ENTPD3: variants seen among roughly 807,000 people sequenced by gnomAD.
The protein encoded by ENTPD3 is ectonucleoside triphosphate diphosphohydrolase 3.
A neutral mutation model predicts 51.2 loss-of-function variants in ENTPD3; 60 were observed. The observed-to-expected ratio is 1.17, with a 90% CI of 0.95 to 1.45. The LOEUF is 1.45. ENTPD3 is among the 40% of genes most tolerant of loss of function. The pLI, the probability that ENTPD3 is intolerant of heterozygous loss-of-function variation, is 0.00. For synonymous variants in ENTPD3, 221 were observed against 238.4 expected (o/e 0.93, Z 0.67); for missense variants, 593 against 641.1 (o/e 0.93, Z 0.81).
intron 4 of ENTPD3, among the ~76,000 whole-genome samples, chr3:40,406,186 C>T (rs563270527): frequency 3.3e-5 from 5 of 152,068 alleles, no homozygotes; most frequent in East Asian, 1.9e-4. Context: ...TAGGCAGAGA[C>T]AAAAGTGATA....
At chr3:40,420,355 C>T (rs1955839923) in intron 7 of ENTPD3, among the ~76,000 whole-genome samples, 1 of 151,624 alleles carries the variant, frequency 6.6e-6, no homozygotes, top group Non-Finnish European at 1.5e-5. Context: ...CCTACCTCAG[C>T]CTCCCGAGTA....
At chr3:40,424,459 T>A (rs1043603881) in intron 10 of ENTPD3, among the ~76,000 whole-genome samples, 2 of 152,236 alleles carry the variant, frequency 1.3e-5, no homozygotes, top group African/African-American at 2.4e-5. Flanking sequence ...TAGCATTAAA[T>A]AAATATTTTC....
At position 40,415,864 on chromosome 3, in the gene ENTPD3, C is replaced by T; in HGVS notation, c.622C>T (p.His208Tyr). 1 of 1,614,034 alleles carries T rather than the reference C, an allele frequency of 6.2e-7. No individual in the cohort carries two copies. The highest frequency in any genetic ancestry group is 8.5e-7 in the Non-Finnish European group (1 of 1,179,932). ...LEKNLWHMWVHPHGVETTGAL... is the reference protein window; with the variant it reads ...LEKNLWHMWVYPHGVETTGAL... ...GAAGAACCTGTGGCACATGTGGGTG[C>T]ACCCGCATGGAGTGGAAACCACGGG... The change falls in exon 7 of 11, where the codon CAC becomes TAC. Residue 208 changes from histidine (H) to tyrosine (Y), a missense_variant. His to Tyr is a moderately conservative substitution (Grantham distance 83). Transcript: ENST00000301825.
intron 3 of ENTPD3, among the ~76,000 whole-genome samples, chr3:40,400,130 T>G (rs1441341292): frequency 6.6e-6 from 1 of 151,860 alleles, no homozygotes; most frequent in East Asian, 1.9e-4. Context: ...CCAGGGATGG[T>G]GGTGGGCACC....
At position 40,388,061 on chromosome 3, in the gene ENTPD3, T is replaced by G; in HGVS notation, c.4T>G (p.Phe2Val). 6.2e-7 allele frequency: 1 copy of G among 1,614,102 alleles called. No homozygotes were observed. The highest frequency in any genetic ancestry group is 8.5e-7 in the Non-Finnish European group (1 of 1,179,974). The change falls in exon 2 of 11, where the codon TTC becomes GTC. Residue 2 changes from phenylalanine (F) to valine (V), a missense_variant. By Grantham distance (50) the Phe-to-Val change is conservative. Transcript: ENST00000301825. ...TCACCTGCAGCTAGGAGAAAAGATG[T>G]TCACTGTGCTGACCCGCCAACCATG... is the stretch of plus-strand genomic sequence containing the variant. Reference protein sequence around the residue: MFTVLTRQPCEQ... With the variant: MVTVLTRQPCEQ...
chr3:40,420,361 G>T (rs1019228346), intron 7 of ENTPD3, among the ~76,000 whole-genome samples: 1 of 151,170 alleles, frequency 6.6e-6, no homozygotes, highest in Non-Finnish European at 1.5e-5. Flanking sequence ...TCAGCCTCCC[G>T]AGTAGCTGGG....
Position 40,423,946 on chromosome 3 carries a change from A to T in ENTPD3, c.1336A>T (p.Ile446Leu). 1 of 1,614,096 alleles carries T rather than the reference A, an allele frequency of 6.2e-7. No individual in the cohort carries two copies. Among genetic ancestry groups the T allele is most frequent in the Non-Finnish European group, 8.5e-7 (1 of 1,179,986 alleles). The change falls in exon 10 of 11, where the codon ATA becomes TTA. Residue 446 changes from isoleucine (I) to leucine (L), a missense_variant. By Grantham distance (5) the Ile-to-Leu change is conservative. Transcript: ENST00000301825. ...ATTCACAGAGGAGACTTGGCCCCAA[A>T]TACACTTTGAAAAAGAAGTAAGTTA... ...YKFTEETWPQ[I>L]HFEKEVGNSS...
intron 4 of ENTPD3, among the ~76,000 whole-genome samples, chr3:40,410,188 C>T (rs1462523837): frequency 1.3e-5 from 2 of 152,150 alleles, no homozygotes; most frequent in Non-Finnish European, 2.9e-5. Context: ...CACCTGTAAT[C>T]CCAGCACTTT....
chr3:40,397,338 A>C (rs937551621), intron 3 of ENTPD3, among the ~76,000 whole-genome samples: 3 of 151,106 alleles, frequency 2.0e-5, no homozygotes, highest in African/African-American at 4.9e-5. Context: ...ATTACTGAAC[A>C]GTCATGCCAT....
At chr3:40,419,345 G>C (rs185932293) in intron 7 of ENTPD3, among the ~76,000 whole-genome samples, 4 of 150,572 alleles carry the variant, frequency 2.7e-5, no homozygotes, top group Non-Finnish European at 5.9e-5. Context: ...TTTGAAATAA[G>C]CTTCAGGAAT....
intron 3 of ENTPD3, among the ~76,000 whole-genome samples, chr3:40,397,860 A>G (rs1383980833): frequency 6.6e-6 from 1 of 152,106 alleles, no homozygotes; most frequent in Non-Finnish European, 1.5e-5. Context: ...TCAGATCCAC[A>G]TTTGAGCCAT....
chr3:40,400,957 G>GA lies in ENTPD3; in HGVS notation c.237dup (p.Glu80ArgfsTer3). The stretch of plus-strand genomic sequence containing the variant: ...AGTCTACGTGTATCAATGGCCAGCA[G>GA]AAAAAGAGAATAATACCGGAGTGGT... On this transcript the variant is annotated frameshift_variant, in exon 4 of 11. Coordinates refer to ENST00000301825, the MANE Select transcript of ENTPD3 (RefSeq NM_001248.4). LOFTEE classifies it high-confidence loss of function. 6.2e-7 allele frequency: 1 copy of GA among 1,613,808 alleles called. No homozygotes were observed. The highest frequency in any genetic ancestry group is 8.5e-7 in the Non-Finnish European group (1 of 1,180,006).
intron 10 of ENTPD3, among the ~76,000 whole-genome samples, chr3:40,425,695 G>A (rs1023647710): frequency 7.2e-5 from 11 of 151,832 alleles, no homozygotes; most frequent in East Asian, 1.9e-4. Flanking sequence ...TCAGGAGTTC[G>A]AGACCAGCCT....
intron 3 of ENTPD3, among the ~76,000 whole-genome samples, chr3:40,400,604 G>A (rs535357445): frequency 5.9e-5 from 9 of 152,098 alleles, no homozygotes; most frequent in Non-Finnish European, 1.2e-4. Context: ...GATTTAATTG[G>A]TATGGGGTGT....
chr3:40,411,725 C>T, intron 4 of ENTPD3, 87 bp from the exon 5 acceptor site: 1 of 1,422,430 alleles, frequency 7.0e-7, no homozygotes, highest in Non-Finnish European at 9.4e-7. Context: ...CAATAATTTT[C>T]AAAGCCAATT....
intron 3 of ENTPD3, chr3:40,394,514 AC>A (rs1955148703): frequency 6.4e-6 from 1 of 155,996 alleles, no homozygotes; most frequent in Non-Finnish European, 1.5e-5. Flanking sequence ...TCTTATGCCA[AC>A]CATAGAAGGT....
chr3:40,387,863 C>T, intron 1 of ENTPD3, 183 bp from the exon 2 acceptor site: 2 of 563,178 alleles, frequency 3.6e-6, no homozygotes, highest in Non-Finnish European at 6.4e-6. Context: ...GGGGAGATGA[C>T]ATGAAATTTA....
chr3:40,411,952 C>T lies in ENTPD3; in HGVS notation c.427C>T (p.Arg143Cys), dbSNP rs369719510. 65 of 1,609,826 alleles carry T rather than the reference C, an allele frequency of 4.0e-5. No homozygotes were observed. Among genetic ancestry groups the T allele is most frequent in the East Asian group, 8.9e-5 (4 of 44,726 alleles). ...PIHLGATAGM[R>C]LLRLQNETAA... ...TCACCTGGGAGCCACGGCTGGGATG[C>T]GCTTGCTGAGGTAAAGGCTAAGTGG... The change falls in exon 5 of 11, where the codon CGC becomes TGC. Residue 143 changes from arginine (R) to cysteine (C), a missense_variant. Coordinates refer to ENST00000301825, the MANE Select transcript of ENTPD3 (RefSeq NM_001248.4).
intron 10 of ENTPD3, among the ~76,000 whole-genome samples, chr3:40,424,602 T>C (rs554398735): frequency 7.9e-5 from 12 of 152,142 alleles, no homozygotes; most frequent in African/African-American, 2.9e-4. Flanking sequence ...TACATATATA[T>C]ATATGATGGT....
Sources: allele counts gnomAD v4.1 joint callset (sites outside exome capture counted in the v4.1 genomes callset), GRCh38; gene constraint gnomAD v4.1.1; transcripts MANE v1.5; gene names NCBI Gene and HGNC (gene_info 2026-07-23, HGNC 2026-07-21).